Variants in C1QTNF7 observed in about 807,000 individuals in gnomAD.
C1QTNF7 encodes the protein complement C1q tumor necrosis factor-related protein 7.
In C1QTNF7, 15 loss-of-function variants were observed where a neutral mutation model predicts 19.6. That is an observed-to-expected ratio of 0.76 (90% CI 0.51 to 1.18). C1QTNF7 has a LOEUF of 1.18. Ranked by LOEUF, C1QTNF7 falls within the 50% of genes most tolerant of loss-of-function variation. The pLI is 0.00. For missense variants in C1QTNF7, 324 were observed against 359.7 expected, an observed-to-expected ratio of 0.90 and a Z score of 0.80; for synonymous variants, 142 against 137.5, an observed-to-expected ratio of 1.03 and a Z score of -0.23.
At chr4:15,386,341 T>C (rs1718335491) in intron 1 of C1QTNF7, among the ~76,000 whole-genome samples, 1 of 152,220 alleles carries the variant, frequency 6.6e-6, no homozygotes, top group Non-Finnish European at 1.5e-5. Flanking sequence ...ATATTATTTG[T>C]CAACATTTAT....
At chr4:15,388,228 G>T (rs1250537044) in intron 1 of C1QTNF7, among the ~76,000 whole-genome samples, 1 of 152,198 alleles carries the variant, frequency 6.6e-6, no homozygotes, top group Non-Finnish European at 1.5e-5. Context: ...TTATAAAGGA[G>T]AGTTGGATGT....
chr4:15,408,275 C>CAAAA (rs71179625), intron 1 of C1QTNF7, among the ~76,000 whole-genome samples: 3 of 78,442 alleles, frequency 3.8e-5, no homozygotes, highest in Admixed American at 1.5e-4. Context: ...GACTCTGTCT[C>CAAAA]AAAAAAAAAA....
chr4:15,410,449 G>C (rs1719365229), intron 1 of C1QTNF7, among the ~76,000 whole-genome samples: 1 of 151,918 alleles, frequency 6.6e-6, no homozygotes, highest in Non-Finnish European at 1.5e-5. Flanking sequence ...ACAGTATATT[G>C]TGAATATTTT....
At position 15,408,264 on chromosome 4, in the gene C1QTNF7, A is replaced by C. The variant is rs1719269079; in HGVS notation, c.14-27472A>C. ...TCCAGCCTGGGCAACAGAGTGAGTA[A>C]GACTCTGTCTCAAAAAAAAAAAAAA... On this transcript the variant is annotated intron_variant, in intron 1 of 2. Transcript: ENST00000295297. 3.5e-5 allele frequency among the ~76,000 whole-genome samples: 5 copies of C among 141,338 alleles called. No homozygotes were observed. In the South Asian group the frequency reaches 1.2e-3, roughly 34 times the overall value. 92.7% of individuals were successfully genotyped at this position (141,338 alleles called of 152,430 possible). A position where few individuals can be genotyped will look rare whatever the true frequency, so the allele number is the denominator to read the frequency against.
chr4:15,407,856 G>T (rs1038146426), intron 1 of C1QTNF7, among the ~76,000 whole-genome samples: 6 of 152,130 alleles, frequency 3.9e-5, no homozygotes, highest in African/African-American at 1.4e-4. Context: ...AACCCAGAAG[G>T]CGGAGGTTGC....
At chr4:15,359,749 C>A (rs1246558675) in intron 1 of C1QTNF7, among the ~76,000 whole-genome samples, 1 of 152,130 alleles carries the variant, frequency 6.6e-6, no homozygotes, top group East Asian at 1.9e-4. Context: ...TCCTTGAGAA[C>A]TCTTGATGAC....
chr4:15,406,187 G>T (rs1472149094), intron 1 of C1QTNF7, among the ~76,000 whole-genome samples: 1 of 152,148 alleles, frequency 6.6e-6, no homozygotes. Context: ...ATCCCTAAAG[G>T]CAGGACATTT....
chr4:15,421,665 T>C (rs144533301), intron 1 of C1QTNF7, among the ~76,000 whole-genome samples: 42 of 152,276 alleles, frequency 2.8e-4, no homozygotes, highest in South Asian at 6.2e-4. Flanking sequence ...GCCAAATCTA[T>C]CACTCAGTAG....
At chr4:15,401,529 T>C (rs1301512161) in intron 1 of C1QTNF7, among the ~76,000 whole-genome samples, 1 of 152,130 alleles carries the variant, frequency 6.6e-6, no homozygotes, top group East Asian at 1.9e-4. Context: ...GGTCCCAGCA[T>C]GGGTATTGCA....
At chr4:15,394,092 G>C (rs565958381) in intron 1 of C1QTNF7, among the ~76,000 whole-genome samples, 1 of 152,352 alleles carries the variant, frequency 6.6e-6, no homozygotes, top group African/African-American at 2.4e-5. Flanking sequence ...GTGAGAGAAT[G>C]AGCCTGTGAA....
chr4:15,430,446 G>A (rs1577279622), intron 1 of C1QTNF7, among the ~76,000 whole-genome samples: 1 of 152,180 alleles, frequency 6.6e-6, no homozygotes, highest in South Asian at 2.1e-4. Context: ...TTAGCCAGGT[G>A]TGGTGGCACA....
In C1QTNF7 at chr4:15,442,387, G is replaced by T. The variant is rs1323290189; in HGVS notation, c.458G>T (p.Gly153Val). 4 of 1,614,032 alleles carry T rather than the reference G, an allele frequency of 2.5e-6. No homozygotes were observed. Among genetic ancestry groups the T allele is most frequent in the Non-Finnish European group, 3.4e-6 (4 of 1,180,014 alleles). Residue 153 changes from glycine to valine, a missense_variant, in exon 3 of 3, where the codon GGC (glycine) becomes GTC (valine). Coordinates refer to ENST00000444304, the MANE Select transcript of C1QTNF7 (RefSeq NM_031911.5). Reference protein sequence around the residue: ...SIVLKSAFSVGITTSYPEERL... With the variant: ...SIVLKSAFSVVITTSYPEERL... ...GTGCTCAAATCCGCCTTTTCTGTTG[G>T]CATCACAACCAGCTACCCAGAAGAA...
chr4:15,441,561 G>A (rs1299665002), intron 2 of C1QTNF7, among the ~76,000 whole-genome samples: 1 of 152,182 alleles, frequency 6.6e-6, no homozygotes, highest in African/African-American at 2.4e-5. Context: ...GTAGTGCCCA[G>A]TACCTATATG....
chr4:15,360,008 C>A (rs1468683903), intron 1 of C1QTNF7, among the ~76,000 whole-genome samples: 2 of 152,172 alleles, frequency 1.3e-5, no homozygotes, highest in Non-Finnish European at 2.9e-5. Flanking sequence ...CAGAGTTAGA[C>A]CTGAGTGGTG....
chr4:15,423,644 G>A (rs1711895507), upstream of C1QTNF7, among the ~76,000 whole-genome samples: 1 of 152,148 alleles, frequency 6.6e-6, no homozygotes, highest in African/African-American at 2.4e-5. Flanking sequence ...AACCTCCCGT[G>A]GCCAACAGAG....
intron 1 of C1QTNF7, among the ~76,000 whole-genome samples, chr4:15,378,361 ACT>A (rs1207999617): frequency 1.3e-5 from 2 of 151,682 alleles, no homozygotes; most frequent in Non-Finnish European, 2.9e-5. Flanking sequence ...TGCTCAGAAA[ACT>A]CTGCTTTGGA....
chr4:15,343,394 A>G (rs1217483791), intron 1 of C1QTNF7, among the ~76,000 whole-genome samples: 1 of 152,190 alleles, frequency 6.6e-6, no homozygotes, highest in Non-Finnish European at 1.5e-5. Context: ...TATTTCTATG[A>G]AACTGAAGCC....
intron 1 of C1QTNF7, among the ~76,000 whole-genome samples, chr4:15,352,020 A>T (rs187098313): frequency 6.6e-6 from 1 of 152,284 alleles, no homozygotes; most frequent in African/African-American, 2.4e-5. Context: ...CCAAAAGTGC[A>T]TCTACTGTAA....
intron 1 of C1QTNF7, among the ~76,000 whole-genome samples, chr4:15,383,992 G>A (rs569460429): frequency 6.6e-6 from 1 of 152,360 alleles, no homozygotes; most frequent in Admixed American, 6.5e-5. Context: ...TCTTGGAGAG[G>A]AAAGAGATGG....
Sources: gnomAD v4.1 joint callset for allele counts (sites outside exome capture counted in the v4.1 genomes callset) on GRCh38, gnomAD v4.1.1 for gene constraint, MANE v1.5 for transcripts, NCBI Gene and HGNC (gene_info 2026-07-23, HGNC 2026-07-21) for gene names.